CYP4B1: variants seen among roughly 807,000 people sequenced by gnomAD.
CYP4B1 encodes the protein cytochrome P450 4B1.
A neutral mutation model predicts 54.0 loss-of-function variants in CYP4B1; 45 were observed. That is an observed-to-expected ratio of 0.83 (90% confidence interval 0.66 to 1.07). CYP4B1 has a LOEUF of 1.07. CYP4B1 is among the 50% of genes least tolerant of loss of function. CYP4B1 has a pLI of 0.00. For missense variants in CYP4B1, 656 were observed against 655.4 expected (o/e 1.00, Z -0.01); for synonymous variants, 248 against 247.5 (o/e 1.00, Z -0.02).
Position 46,818,620 on chromosome 1 carries a change from G to T in CYP4B1, c.1356-11G>T. ...CCATTGCACGATGACTCTTTGTGCT[G>T]CTTGCTACAGGAACTGCATTGGGCA... is the stretch of plus-strand genomic sequence containing the variant. On this transcript the variant is annotated splice_polypyrimidine_tract_variant and intron_variant, in intron 11 of 11. Transcript: ENST00000371923. 6.2e-7 allele frequency: 1 copy of T among 1,613,932 alleles called. No homozygotes were observed. The highest frequency in any genetic ancestry group is 2.2e-5 in the East Asian group (1 of 44,886).
chr1:46,799,604 A>G (rs964871844), intron 1 of CYP4B1, among the ~76,000 whole-genome samples: 1 of 152,254 alleles, frequency 6.6e-6, no homozygotes, highest in African/African-American at 2.4e-5. Context: ...GATAGTACAT[A>G]GAAGTAGGCA....
rs530787349 is a variant in CYP4B1, at chr1:46,814,351, G to A, written c.882+36G>A. On this transcript the variant is annotated intron_variant, in intron 7 of 11. Transcript: ENST00000371923. ...TGTTGCCCACCCCTACCTGAGGACT[G>A]GTCCCAGAGAGGTCTTCAACCATCC... The A allele has an allele frequency of 3.3e-6, 5 of 1,528,370 alleles. No homozygotes were observed. In the African/African-American group the frequency reaches 6.8e-5, roughly 21 times the overall value. 94.7% of individuals were successfully genotyped at this position (1,528,370 alleles called of 1,614,324 possible).
At chr1:46,807,870 T>G (rs1177363808) in intron 1 of CYP4B1, among the ~76,000 whole-genome samples, 1 of 152,242 alleles carries the variant, frequency 6.6e-6, no homozygotes, top group Non-Finnish European at 1.5e-5. Flanking sequence ...CCCTGGGGGC[T>G]ACATTATCAG....
rs4646477 is a variant in CYP4B1 at position 46,799,802 on chromosome 1, C to T, written c.180+541C>T. On this transcript the variant is annotated intron_variant, in intron 1 of 11. Transcript: ENST00000371923. ...CCATGCCTATGGGTGGCTCAGGAGC[C>T]GTGACACCTTCCCAGGTTCAGATCA... Among the ~76,000 whole-genome samples the T allele has an allele frequency of 5.6e-3, 853 of 152,344 alleles. 14 individuals are homozygous for T. In the East Asian group the frequency reaches 0.06, roughly 11 times the overall value.
intron 1 of CYP4B1, among the ~76,000 whole-genome samples, chr1:46,803,319 A>G (rs1311939127): frequency 6.6e-6 from 1 of 152,094 alleles, no homozygotes; most frequent in African/African-American, 2.4e-5. Flanking sequence ...GCTGGAGGAA[A>G]GTGGAAGGTA....
At chr1:46,814,624 A>C (rs1449576652) in intron 7 of CYP4B1, 1 of 364,448 alleles carries the variant, frequency 2.7e-6, no homozygotes, top group Non-Finnish European at 5.0e-6. Flanking sequence ...TCATTCATTC[A>C]TTCATTCAGT....
intron 1 of CYP4B1, among the ~76,000 whole-genome samples, chr1:46,802,189 G>GT (rs1557486901): frequency 4.0e-5 from 6 of 151,730 alleles, no homozygotes; most frequent in African/African-American, 1.2e-4. Flanking sequence ...TGGTGTGTGT[G>GT]GGTGTGTGTG....
At chr1:46,800,392 G>A (rs12742610) in intron 1 of CYP4B1, among the ~76,000 whole-genome samples, 12,622 of 149,192 alleles carry the variant, frequency 0.085, 795 homozygotes, top group East Asian at 0.25. Context: ...GTGCAGTGGC[G>A]CAATTTTGGC....
rs781487591 is a variant in CYP4B1, at chr1:46,810,941, G to A, written c.314G>A (p.Ser105Asn). ...YEPDYAKAVY[S>N]RGDPKAPDVY... The stretch of plus-strand genomic sequence containing the variant: ...CCTGACTATGCCAAAGCTGTGTACA[G>A]CCGTGGGGGTGAGGAGAGAGGATGG... Residue 105 changes from serine to asparagine, a missense_variant, in exon 2 of 12, where the codon AGC (serine) becomes AAC (asparagine). Ser to Asn is a conservative substitution (Grantham distance 46, BLOSUM62 1). Coordinates refer to ENST00000371923, the MANE Select transcript of CYP4B1 (RefSeq NM_001099772.2). 3 of 1,613,932 alleles carry A rather than the reference G, an allele frequency of 1.9e-6. No individual in the cohort carries two copies. Among genetic ancestry groups the A allele is most frequent in the Non-Finnish European group, 2.5e-6 (3 of 1,180,018 alleles).
Position 46,818,709 on chromosome 1 carries a change from T to C in CYP4B1, c.1434T>C (p.Ser478=), listed in dbSNP as rs1679437457. Residue 478 remains serine (S), a synonymous_variant, in exon 12 of 12, where the codon TCT becomes TCC. Coordinates refer to ENST00000371923, the MANE Select transcript of CYP4B1 (RefSeq NM_001099772.2). The stretch of plus-strand genomic sequence containing the variant: ...TGTGCTTGCTCCGCTTTGAGTTCTC[T>C]CTGGACCCCTCACGGCTGCCCATCA... ...TAMCLLRFEF[S]LDPSRLPIKM... 2 of 1,614,062 alleles carry C rather than the reference T, an allele frequency of 1.2e-6. No homozygotes were observed. Among genetic ancestry groups the C allele is most frequent in the Non-Finnish European group, 1.7e-6 (2 of 1,180,030 alleles).
chr1:46,812,739 C>A, intron 4 of CYP4B1, 116 bp downstream of exon 4: 2 of 1,220,102 alleles, frequency 1.6e-6, no homozygotes, highest in South Asian at 1.4e-5. Context: ...AATAGCTGAG[C>A]CCCAAGGCCT....
At chr1:46,800,803 A>C (rs1678625895) in intron 1 of CYP4B1, among the ~76,000 whole-genome samples, 1 of 152,192 alleles carries the variant, frequency 6.6e-6, no homozygotes, top group Non-Finnish European at 1.5e-5. Flanking sequence ...TGTAACATGC[A>C]TCCTGAAGAC....
chr1:46,810,479 T>C (rs993807338), intron 1 of CYP4B1, among the ~76,000 whole-genome samples: 1 of 152,232 alleles, frequency 6.6e-6, no homozygotes, highest in East Asian at 1.9e-4. Flanking sequence ...ATCTTTATAA[T>C]TAAAGAGCTT....
At chr1:46,811,003 G>C (rs1412006882) in intron 2 of CYP4B1, 54 bp downstream of exon 2, 7 of 1,608,474 alleles carry the variant, frequency 4.4e-6, no homozygotes, top group Non-Finnish European at 6.0e-6. Flanking sequence ...TGAGAACAAA[G>C]GGCTCAGGGC....
In CYP4B1 at chr1:46,817,150, C is replaced by A. The variant is rs1445292482; in HGVS notation, c.1176C>A (p.Val392=). 6.2e-7 allele frequency: 1 copy of A among 1,614,088 alleles called. No homozygotes were observed. Among genetic ancestry groups the A allele is most frequent in the Non-Finnish European group, 8.5e-7 (1 of 1,180,016 alleles). The change falls in exon 9 of 12, where the codon GTC becomes GTA. Residue 392 remains valine (V), a synonymous_variant. Coordinates refer to ENST00000371923, the MANE Select transcript of CYP4B1 (RefSeq NM_001099772.2). ...TGTACCGCCAGCTCAGCAAGCCTGT[C>A]ACCTTTGTGGATGGCCGGTCTCTAC... ...PQVYRQLSKP[V]TFVDGRSLPA...
At chr1:46,811,077 T>A in intron 2 of CYP4B1, 63 bp from the exon 3 acceptor site, 1 of 1,606,046 alleles carries the variant, frequency 6.2e-7, no homozygotes, top group Non-Finnish European at 8.5e-7. Flanking sequence ...CCCACCCTAC[T>A]CATAAATGAG....
chr1:46,805,942 TA>T (rs1353574038), intron 1 of CYP4B1, among the ~76,000 whole-genome samples: 1 of 152,120 alleles, frequency 6.6e-6, no homozygotes, highest in Non-Finnish European at 1.5e-5. Flanking sequence ...AGAGCAGTCC[TA>T]GGGGGTTCTA....
intron 7 of CYP4B1, chr1:46,814,691 C>T (rs45561832): frequency 0.012 from 3,967 of 328,236 alleles, 144 homozygotes; most frequent in African/African-American, 0.079. Context: ...GGGTCATTTC[C>T]GTGCTAGGAT....
chr1:46,807,276 T>C (rs1245359761), intron 1 of CYP4B1, among the ~76,000 whole-genome samples: 1 of 152,048 alleles, frequency 6.6e-6, no homozygotes, highest in African/African-American at 2.4e-5. Flanking sequence ...CCTTGTGGGG[T>C]TGCTGCAGAG....
Sources: gnomAD v4.1 joint callset for allele counts (sites outside exome capture counted in the v4.1 genomes callset) on GRCh38, gnomAD v4.1.1 for gene constraint, MANE v1.5 for transcripts, NCBI Gene and HGNC (gene_info 2026-07-23, HGNC 2026-07-21) for gene names.